FGF12: variants seen among roughly 807,000 people sequenced by gnomAD.
FGF12 encodes fibroblast growth factor 12B.
Under a neutral mutation model 23.6 loss-of-function variants are expected in FGF12, and 14 were observed. The observed-to-expected ratio is 0.59, with a 90% confidence interval of 0.39 to 0.93. The LOEUF is 0.93. Ranked by LOEUF, FGF12 falls within the 40% of genes least tolerant of loss-of-function variation. The pLI is 0.00. For synonymous variants in FGF12, 62 were observed against 77.3 expected (o/e 0.80, Z 1.04); for missense variants, 175 against 217.8 (o/e 0.80, Z 1.24).
chr3:192,233,939 C>G (rs760795249), intron 4 of FGF12, among the ~76,000 whole-genome samples: 2 of 152,070 alleles, frequency 1.3e-5, no homozygotes, highest in Non-Finnish European at 2.9e-5. Flanking sequence ...TTTACTGTAG[C>G]CTACTACTGT....
At chr3:192,595,353 C>A (rs1713796106) in intron 2 of FGF12, among the ~76,000 whole-genome samples, 1 of 152,220 alleles carries the variant, frequency 6.6e-6, no homozygotes, top group African/African-American at 2.4e-5. Context: ...TCCCATTAAG[C>A]AAGGGCAGCT....
chr3:192,279,563 C>T lies in FGF12; in HGVS notation c.228+55798G>A, dbSNP rs556065662. 5.3e-5 allele frequency among the ~76,000 whole-genome samples: 8 copies of T among 152,246 alleles called. No individual in the cohort carries two copies. In the South Asian group the frequency reaches 1.5e-3, roughly 28 times the overall value. On this transcript the variant is annotated intron_variant, in intron 4 of 5. Transcript: ENST00000445105. ...TGATATGGTCAGCAATTACACCTGT[C>T]AGTTGAGCTTCAGAGCCTACAGTCC... is the stretch of plus-strand genomic sequence containing the variant.
chr3:192,157,470 C>T (rs533308409), intron 5 of FGF12, among the ~76,000 whole-genome samples: 1 of 152,098 alleles, frequency 6.6e-6, no homozygotes, highest in East Asian at 1.9e-4. Flanking sequence ...CAAAAACAAT[C>T]CATTTTCTCT....
At chr3:192,423,124 G>A (rs1473539636) in intron 2 of FGF12, among the ~76,000 whole-genome samples, 2 of 152,086 alleles carry the variant, frequency 1.3e-5, no homozygotes, top group African/African-American at 4.8e-5. Flanking sequence ...GAAAATTGTG[G>A]GTAAGACTTA....
intron 2 of FGF12, among the ~76,000 whole-genome samples, chr3:192,486,965 T>A (rs1246151712): frequency 6.6e-6 from 1 of 152,110 alleles, no homozygotes; most frequent in Non-Finnish European, 1.5e-5. Context: ...ACTTAAAATA[T>A]CTGGATTTCC....
chr3:192,212,099 C>T (rs1717957720), intron 4 of FGF12, among the ~76,000 whole-genome samples: 1 of 152,146 alleles, frequency 6.6e-6, no homozygotes, highest in African/African-American at 2.4e-5. Flanking sequence ...GCAACACTGT[C>T]ACTTATACAG....
chr3:192,190,762 A>G (rs1304360790), intron 4 of FGF12, among the ~76,000 whole-genome samples: 2 of 152,190 alleles, frequency 1.3e-5, no homozygotes, highest in Non-Finnish European at 2.9e-5. Flanking sequence ...GGCGTGAGCC[A>G]CCGCGCCCGG....
At chr3:192,702,792 T>C (rs1718344521) in intron 2 of FGF12, among the ~76,000 whole-genome samples, 1 of 152,096 alleles carries the variant, frequency 6.6e-6, no homozygotes. Flanking sequence ...GGCAAGACTC[T>C]GTTAAAAAAT....
intron 2 of FGF12, among the ~76,000 whole-genome samples, chr3:192,519,465 G>T (rs1724760625): frequency 6.6e-6 from 1 of 152,152 alleles, no homozygotes; most frequent in South Asian, 2.1e-4. Context: ...GAGGGTACAT[G>T]ATGTCAGTTA....
intron 2 of FGF12, among the ~76,000 whole-genome samples, chr3:192,650,960 A>C (rs528771612): frequency 6.6e-6 from 1 of 152,344 alleles, no homozygotes; most frequent in South Asian, 2.1e-4. Flanking sequence ...TCAAGATTTT[A>C]AGTTAAATAT....
At chr3:192,356,379 G>C (rs776814717) in intron 3 of FGF12, among the ~76,000 whole-genome samples, 1 of 152,104 alleles carries the variant, frequency 6.6e-6, no homozygotes, top group Non-Finnish European at 1.5e-5. Context: ...TATCTTTGTT[G>C]TTTTCTCCCT....
intron 2 of FGF12, among the ~76,000 whole-genome samples, chr3:192,715,854 A>G (rs188250451): frequency 2.0e-5 from 3 of 152,356 alleles, no homozygotes; most frequent in Admixed American, 1.3e-4. Context: ...TGGCACAGAT[A>G]AATGGATACG....
At chr3:192,536,532 C>T (rs1048292346) in intron 2 of FGF12, among the ~76,000 whole-genome samples, 13 of 151,980 alleles carry the variant, frequency 8.6e-5, no homozygotes, top group African/African-American at 2.9e-4. Flanking sequence ...CAGGGCAATA[C>T]AACTATTAAA....
intron 4 of FGF12, among the ~76,000 whole-genome samples, chr3:192,254,829 T>C (rs1298012158): frequency 6.6e-6 from 1 of 152,106 alleles, no homozygotes; most frequent in South Asian, 2.1e-4. Context: ...TGTGTTTATA[T>C]AACAAATAGA....
At chr3:192,272,129 T>C (rs1227750302) in intron 4 of FGF12, among the ~76,000 whole-genome samples, 1 of 152,210 alleles carries the variant, frequency 6.6e-6, no homozygotes, top group Non-Finnish European at 1.5e-5. Flanking sequence ...AAAAAATTAA[T>C]GGCCCGAGTT....
intron 2 of FGF12, among the ~76,000 whole-genome samples, chr3:192,452,353 C>T (rs531577423): frequency 1.1e-4 from 16 of 152,274 alleles, no homozygotes; most frequent in African/African-American, 3.8e-4. Flanking sequence ...TAAGGACAAA[C>T]TCCACTTAGC....
chr3:192,671,579 T>C (rs1357174458), intron 2 of FGF12, among the ~76,000 whole-genome samples: 1 of 152,180 alleles, frequency 6.6e-6, no homozygotes, highest in Non-Finnish European at 1.5e-5. Flanking sequence ...GGCAAGTCCA[T>C]AGGCTTCAGT....
chr3:192,518,319 A>C (rs1186950631), intron 2 of FGF12, among the ~76,000 whole-genome samples: 3 of 152,192 alleles, frequency 2.0e-5, no homozygotes, highest in Non-Finnish European at 4.4e-5. Context: ...CTGGTATATA[A>C]TGATGGATGA....
At chr3:192,521,835 C>T (rs1724821282) in intron 2 of FGF12, among the ~76,000 whole-genome samples, 2 of 152,038 alleles carry the variant, frequency 1.3e-5, no homozygotes, top group East Asian at 1.9e-4. Flanking sequence ...TGAGCCTTTT[C>T]GCCTCCAAAT....
Sources: gnomAD v4.1 joint callset for allele counts (sites outside exome capture counted in the v4.1 genomes callset) on GRCh38, gnomAD v4.1.1 for gene constraint, MANE v1.5 for transcripts, NCBI Gene and HGNC (gene_info 2026-07-23, HGNC 2026-07-21) for gene names.